Variants in RBMS3 observed in about 807,000 individuals in gnomAD.
RBMS3 encodes RNA binding motif single stranded interacting protein 3.
In RBMS3, 27 loss-of-function variants were observed where a neutral mutation model predicts 66.8. The ratio of observed to expected loss-of-function variants is 0.40; its 90% CI spans 0.30 to 0.56. The LOEUF is 0.56. Among genes scored for constraint, RBMS3 ranks in the 20% least tolerant of loss-of-function variants. The probability of loss-of-function intolerance (pLI) is 0.40; values close to 1 mark genes in which losing one functional copy is unlikely to be tolerated. For missense variants in RBMS3, 513 were observed against 549.5 expected (o/e 0.93, Z 0.66); for synonymous variants, 188 against 183.0 (o/e 1.03, Z -0.22).
At chr3:29,471,714 C>G in intron 2 of RBMS3, among the ~76,000 whole-genome samples, 1 of 125,610 alleles carries the variant, frequency 8.0e-6, no homozygotes, top group South Asian at 2.6e-4. Context: ...ATCATGAGGA[C>G]TTAGTTTTTT....
intron 1 of RBMS3, among the ~76,000 whole-genome samples, chr3:29,434,139 T>C (rs2041310588): frequency 6.6e-6 from 1 of 152,212 alleles, no homozygotes; most frequent in African/African-American, 2.4e-5. Flanking sequence ...GGTAGCTCCA[T>C]CTTGCAAACA....
At chr3:29,378,871 C>T (rs547665491) in intron 1 of RBMS3, among the ~76,000 whole-genome samples, 8 of 152,256 alleles carry the variant, frequency 5.3e-5, no homozygotes, top group Admixed American at 3.9e-4. Context: ...AAAATGCATT[C>T]ATATGGGAAT....
chr3:29,768,924 T>G (rs995549947), intron 6 of RBMS3, among the ~76,000 whole-genome samples: 1 of 151,948 alleles, frequency 6.6e-6, no homozygotes, highest in Admixed American at 6.6e-5. Flanking sequence ...GCTCTGATTT[T>G]GGGGAAAGTC....
chr3:29,693,022 G>T (rs2052101280), intron 4 of RBMS3, among the ~76,000 whole-genome samples: 2 of 152,004 alleles, frequency 1.3e-5, no homozygotes, highest in Non-Finnish European at 2.9e-5. Flanking sequence ...TATATTTCCA[G>T]AAACATACAC....
intron 7 of RBMS3, among the ~76,000 whole-genome samples, chr3:29,871,053 A>G (rs1559755904): frequency 6.6e-6 from 1 of 152,124 alleles, no homozygotes; most frequent in African/African-American, 2.4e-5. Context: ...TTTACTTGCT[A>G]AAGTATATTA....
At chr3:29,952,523 AC>A (rs1695751357) in intron 12 of RBMS3, among the ~76,000 whole-genome samples, 1 of 151,894 alleles carries the variant, frequency 6.6e-6, no homozygotes, top group African/African-American at 2.4e-5. Flanking sequence ...TATATAATAC[AC>A]TTTTAATTAC....
chr3:29,491,789 C>G (rs1296584013), intron 3 of RBMS3, among the ~76,000 whole-genome samples: 6 of 152,104 alleles, frequency 3.9e-5, no homozygotes, highest in Admixed American at 1.3e-4. Flanking sequence ...GTCAGGAGAT[C>G]GAGACCATCC....
intron 14 of RBMS3, among the ~76,000 whole-genome samples, chr3:29,997,140 C>G (rs1218182756): frequency 1.3e-5 from 2 of 151,776 alleles, no homozygotes; most frequent in Admixed American, 1.3e-4. Context: ...CTACAAACAC[C>G]TCTACGCAAA....
At chr3:29,943,643 T>C (rs2061442687) in intron 11 of RBMS3, among the ~76,000 whole-genome samples, 1 of 151,780 alleles carries the variant, frequency 6.6e-6, no homozygotes, top group Admixed American at 6.6e-5. Context: ...CACATAAAGC[T>C]TTTTGGCCTT....
At chr3:29,995,173 G>A (rs1699136450) in intron 14 of RBMS3, among the ~76,000 whole-genome samples, 1 of 152,188 alleles carries the variant, frequency 6.6e-6, no homozygotes, top group African/African-American at 2.4e-5. Context: ...AAGGGGATCA[G>A]CAATGGAAGA....
chr3:29,517,483 A>G (rs2044688979), intron 3 of RBMS3, among the ~76,000 whole-genome samples: 1 of 151,780 alleles, frequency 6.6e-6, no homozygotes, highest in Non-Finnish European at 1.5e-5. Context: ...CCACCACGCC[A>G]GGCTAATTGT....
At chr3:29,814,538 A>G (rs536914037) in intron 6 of RBMS3, among the ~76,000 whole-genome samples, 165 of 152,292 alleles carry the variant, frequency 1.1e-3, no homozygotes, top group African/African-American at 3.8e-3. Flanking sequence ...ATTGATTGAA[A>G]TAGTTTCAGA....
At chr3:29,431,040 C>T (rs780584966) in intron 1 of RBMS3, among the ~76,000 whole-genome samples, 5 of 152,064 alleles carry the variant, frequency 3.3e-5, no homozygotes, top group African/African-American at 7.2e-5. Flanking sequence ...TGTGAGGATT[C>T]CAAGAAGCTA....
intron 4 of RBMS3, among the ~76,000 whole-genome samples, chr3:29,716,553 G>A (rs1408289554): frequency 6.6e-6 from 1 of 152,162 alleles, no homozygotes; most frequent in Non-Finnish European, 1.5e-5. Context: ...CTGTGCAAGA[G>A]TGTTATGTGC....
intron 2 of RBMS3, among the ~76,000 whole-genome samples, chr3:29,466,975 A>T (rs1367849026): frequency 6.6e-6 from 1 of 152,184 alleles, no homozygotes; most frequent in Admixed American, 6.5e-5. Flanking sequence ...TTTAGTCTTG[A>T]TAGCATATAT....
At chr3:29,467,306 A>G (rs1276827456) in intron 2 of RBMS3, among the ~76,000 whole-genome samples, 1 of 152,166 alleles carries the variant, frequency 6.6e-6, no homozygotes, top group Admixed American at 6.5e-5. Flanking sequence ...AGTTTTAGTA[A>G]TTGCAGGGTT....
chr3:29,764,687 A>G (rs995026496), intron 6 of RBMS3, among the ~76,000 whole-genome samples: 4 of 152,074 alleles, frequency 2.6e-5, no homozygotes, highest in Admixed American at 6.6e-5. Flanking sequence ...GATTGATTTG[A>G]AAGTATTTTA....
chr3:29,795,070 A>G (rs1486955505), intron 6 of RBMS3, among the ~76,000 whole-genome samples: 9 of 152,194 alleles, frequency 5.9e-5, no homozygotes, highest in African/African-American at 2.2e-4. Flanking sequence ...CATGTGTGTT[A>G]TCATAGGAAA....
intron 4 of RBMS3, among the ~76,000 whole-genome samples, chr3:29,723,502 C>T (rs2053732017): frequency 6.6e-6 from 1 of 152,134 alleles, no homozygotes; most frequent in Non-Finnish European, 1.5e-5. Context: ...TCATTAATGA[C>T]ATTTTATATA....
Sources: allele counts gnomAD v4.1 joint callset (sites outside exome capture counted in the v4.1 genomes callset), GRCh38; gene constraint gnomAD v4.1.1; transcripts MANE v1.5; gene names NCBI Gene and HGNC (gene_info 2026-07-23, HGNC 2026-07-21).